The following MGAT4A variants were observed in gnomAD, a reference collection of about 807,000 sequenced individuals.
MGAT4A encodes N-acetylglucosaminyltransferase IVa.
A neutral mutation model predicts 74.1 loss-of-function variants in MGAT4A; 33 were observed. The observed-to-expected ratio is 0.45, with a 90% CI of 0.34 to 0.60. The LOEUF (loss-of-function observed/expected upper bound fraction) is 0.60, where lower values mean the gene tolerates loss of function less well. Ranked by LOEUF, MGAT4A falls within the 20% of genes least tolerant of loss-of-function variation. MGAT4A has a pLI of 0.02. For missense variants in MGAT4A, 479 were observed against 628.3 expected (o/e 0.76, Z 2.54); for synonymous variants, 198 against 210.4 (o/e 0.94, Z 0.51).
intron 8 of MGAT4A, 37 bp from the exon 9 acceptor site, chr2:98,645,579 AAAAG>A (rs1183511586): frequency 3.6e-6 from 5 of 1,393,404 alleles, no homozygotes; most frequent in Admixed American, 5.1e-5. Flanking sequence ...ATACATCAAA[AAAAG>A]AAAGGTATTG....
At chr2:98,708,291 T>C (rs900214894) in intron 2 of MGAT4A, among the ~76,000 whole-genome samples, 4 of 152,200 alleles carry the variant, frequency 2.6e-5, no homozygotes, top group African/African-American at 9.7e-5. Context: ...GACAACAAGC[T>C]GCTTTTCAGG....
In MGAT4A at chr2:98,624,899, C is replaced by T. The variant is rs1701121802; in HGVS notation, c.*667G>A. On this transcript the variant is annotated 3_prime_UTR_variant, in exon 16 of 16. Coordinates refer to ENST00000393487, the MANE Select transcript of MGAT4A (RefSeq NM_012214.3). ...CAAATGTCTTTGAAAATATTTTGTTCAGTCACTGTGATTATAAAAGTACTT... is the reference window on the plus strand; with the variant it reads ...CAAATGTCTTTGAAAATATTTTGTTTAGTCACTGTGATTATAAAAGTACTT... The T allele has an allele frequency of 2.0e-6, 2 of 983,942 alleles. No individual in the cohort carries two copies. Among genetic ancestry groups the T allele is most frequent in the Admixed American group, 1.2e-4 (2 of 16,258 alleles). The allele number at this position is 983,942 out of a possible 1,614,324, so 61.0% of individuals were successfully genotyped here.
intron 10 of MGAT4A, 99 bp downstream of exon 10, chr2:98,643,824 C>T: frequency 8.3e-7 from 1 of 1,206,492 alleles, no homozygotes; most frequent in East Asian, 2.7e-5. Context: ...AGTTTTATAT[C>T]ACCTACCTAT....
intron 3 of MGAT4A, among the ~76,000 whole-genome samples, chr2:98,676,977 CT>C (rs1701983767): frequency 6.6e-6 from 1 of 152,232 alleles, no homozygotes; most frequent in Admixed American, 6.5e-5. Flanking sequence ...GAGCACGCAA[CT>C]TTATAAATAA....
chr2:98,660,438 ACACACACACACACACACAC>A (rs1701730524), intron 5 of MGAT4A, among the ~76,000 whole-genome samples: 3 of 149,638 alleles, frequency 2.0e-5, no homozygotes, highest in East Asian at 3.9e-4. Flanking sequence ...ACACACACAC[ACACACACACACACACACAC>A]AACAAATAGC....
chr2:98,654,349 A>G (rs1701628165), intron 8 of MGAT4A, among the ~76,000 whole-genome samples: 2 of 152,108 alleles, frequency 1.3e-5, no homozygotes, highest in South Asian at 4.1e-4. Flanking sequence ...AGGTACCCAA[A>G]CCGGAAAAGA....
At chr2:98,705,948 C>CAAAAAAAA (rs35710005) in intron 2 of MGAT4A, among the ~76,000 whole-genome samples, 1 of 47,494 alleles carries the variant, frequency 2.1e-5, no homozygotes, top group African/African-American at 8.6e-5. Flanking sequence ...GACTCCGTCT[C>CAAAAAAAA]AAAAAAAAAA....
At chr2:98,639,406 A>G (rs913296115) in intron 12 of MGAT4A, among the ~76,000 whole-genome samples, 2 of 152,192 alleles carry the variant, frequency 1.3e-5, no homozygotes, top group African/African-American at 4.8e-5. Context: ...AAAACTATTG[A>G]CTAAGAATAG....
rs138250290 is a variant in MGAT4A, at chr2:98,643,413, C to G, written c.1020+510G>C. On this transcript the variant is annotated intron_variant, in intron 10 of 15. Transcript: ENST00000393487. ...TTATTATTCACTTACTTGACTGCAA[C>G]TATTATCCCAAAGGTAATCATATTA... is the stretch of plus-strand genomic sequence containing the variant. Among the ~76,000 whole-genome samples the G allele has an allele frequency of 1.4e-3, 216 of 152,304 alleles. 1 individual carries two copies. Among genetic ancestry groups the G allele is most frequent in the African/African-American group, 5.1e-3 (210 of 41,560 alleles).
intron 4 of MGAT4A, among the ~76,000 whole-genome samples, chr2:98,669,092 C>T (rs1559164597): frequency 6.6e-6 from 1 of 152,146 alleles, no homozygotes; most frequent in South Asian, 2.1e-4. Context: ...AGAGTTAAGA[C>T]TTCAGGGGAC....
intron 7 of MGAT4A, chr2:98,655,763 T>A (rs1408566152): frequency 2.8e-6 from 1 of 357,506 alleles, no homozygotes; most frequent in Non-Finnish European, 5.0e-6. Context: ...AGGAAAAAAA[T>A]GAGTCTAATA....
chr2:98,697,343 CAA>C (rs1288971268), intron 2 of MGAT4A, among the ~76,000 whole-genome samples: 2 of 152,072 alleles, frequency 1.3e-5, no homozygotes. Flanking sequence ...TCCAAAATGA[CAA>C]AGTTATAGTG....
chr2:98,650,180 G>A (rs1701556891), intron 8 of MGAT4A, among the ~76,000 whole-genome samples: 1 of 152,166 alleles, frequency 6.6e-6, no homozygotes, highest in Non-Finnish European at 1.5e-5. Flanking sequence ...TGAGCAGGCA[G>A]AAGAATCAGT....
intron 2 of MGAT4A, among the ~76,000 whole-genome samples, chr2:98,719,288 A>C (rs1702633345): frequency 6.6e-6 from 1 of 152,278 alleles, no homozygotes; most frequent in Admixed American, 6.5e-5. Context: ...TTTAGTTTGT[A>C]GCAGAATTTA....
intron 14 of MGAT4A, among the ~76,000 whole-genome samples, chr2:98,632,161 G>A (rs1209063200): frequency 6.6e-6 from 1 of 151,996 alleles, no homozygotes; most frequent in Non-Finnish European, 1.5e-5. Flanking sequence ...GTCTAATTGA[G>A]CTAACAAACA....
At chr2:98,729,751 G>A (rs575034778) in intron 1 of MGAT4A, among the ~76,000 whole-genome samples, 4 of 152,302 alleles carry the variant, frequency 2.6e-5, no homozygotes, top group Admixed American at 6.5e-5. Flanking sequence ...TTTGCCGAAC[G>A]TTTGGCATCT....
Position 98,625,445 on chromosome 2 carries a change from C to A in MGAT4A, c.*121G>T. Reference sequence around the variant, plus strand: ...TCACTTTCCAAGTGGAAATGACAATCGTCTTATCTACAGTAGACTTCACAA... The same window carrying A: ...TCACTTTCCAAGTGGAAATGACAATAGTCTTATCTACAGTAGACTTCACAA... On this transcript the variant is annotated 3_prime_UTR_variant, in exon 16 of 16. Transcript: ENST00000393487. 1 of 1,488,790 alleles carries A rather than the reference C, an allele frequency of 6.7e-7. No individual in the cohort carries two copies. 92.2% of individuals were successfully genotyped at this position (1,488,790 alleles called of 1,614,324 possible). A position where few individuals can be genotyped will look rare whatever the true frequency, so the allele number is the denominator to read the frequency against.
chr2:98,656,692 T>C (rs549127927), intron 6 of MGAT4A, among the ~76,000 whole-genome samples: 1 of 151,998 alleles, frequency 6.6e-6, no homozygotes, highest in East Asian at 1.9e-4. Flanking sequence ...CTTTAAAAAC[T>C]ATAAAATACT....
At chr2:98,661,438 A>C (rs761215547) in intron 5 of MGAT4A, among the ~76,000 whole-genome samples, 4 of 152,226 alleles carry the variant, frequency 2.6e-5, no homozygotes, top group Non-Finnish European at 4.4e-5. Flanking sequence ...ATAAGCAAAC[A>C]AACAAAAATA....
Sources: gnomAD v4.1 joint callset for allele counts (sites outside exome capture counted in the v4.1 genomes callset) on GRCh38, gnomAD v4.1.1 for gene constraint, MANE v1.5 for transcripts, NCBI Gene and HGNC (gene_info 2026-07-23, HGNC 2026-07-21) for gene names.